DENND1B: variants seen among roughly 807,000 people sequenced by gnomAD.
The protein encoded by DENND1B is DENN domain-containing protein 1B.
A neutral mutation model predicts 90.1 loss-of-function variants in DENND1B; 59 were observed. The ratio of observed to expected loss-of-function variants is 0.65; its 90% CI spans 0.53 to 0.81. The LOEUF (loss-of-function observed/expected upper bound fraction) is 0.81. Among genes scored for constraint, DENND1B ranks in the 40% least tolerant of loss-of-function variants. The pLI, the probability that DENND1B is intolerant of heterozygous loss-of-function variation, is 0.00. For missense variants in DENND1B, 862 were observed against 912.6 expected (o/e 0.94, Z 0.71); for synonymous variants, 337 against 324.6 (o/e 1.04, Z -0.41).
At chr1:197,530,589 A>G (rs1319493899) in intron 20 of DENND1B, among the ~76,000 whole-genome samples, 1 of 152,190 alleles carries the variant, frequency 6.6e-6, no homozygotes. Context: ...AAGATGGATA[A>G]TTTTAGGAGT....
At chr1:197,753,715 C>A (rs886413027) in intron 2 of DENND1B, among the ~76,000 whole-genome samples, 4 of 151,952 alleles carry the variant, frequency 2.6e-5, no homozygotes, top group African/African-American at 7.3e-5. Flanking sequence ...AAAATAAAGT[C>A]GATGGCCACG....
intron 15 of DENND1B, among the ~76,000 whole-genome samples, chr1:197,581,385 C>G (rs1209118464): frequency 1.3e-5 from 2 of 152,134 alleles, no homozygotes; most frequent in African/African-American, 4.8e-5. Context: ...TTACATTTAA[C>G]GTCCTTGAAC....
At chr1:197,748,551 T>C (rs915442242) in intron 2 of DENND1B, among the ~76,000 whole-genome samples, 2 of 152,138 alleles carry the variant, frequency 1.3e-5, no homozygotes, top group Non-Finnish European at 2.9e-5. Flanking sequence ...TCCTTAGATG[T>C]TGAAGACAAA....
intron 13 of DENND1B, among the ~76,000 whole-genome samples, chr1:197,601,961 A>G (rs1245872493): frequency 6.6e-6 from 1 of 151,704 alleles, no homozygotes; most frequent in Non-Finnish European, 1.5e-5. Flanking sequence ...GTAAATAATT[A>G]TATCTCTGAT....
At chr1:197,511,292 G>T (rs906298216) in intron 22 of DENND1B, among the ~76,000 whole-genome samples, 1 of 151,700 alleles carries the variant, frequency 6.6e-6, no homozygotes, top group Non-Finnish European at 1.5e-5. Context: ...TAAGCATTCA[G>T]TTAAATTTGC....
At chr1:197,775,118 C>A in intron 1 of DENND1B, 21 bp downstream of exon 1, 1 of 1,272,620 alleles carries the variant, frequency 7.9e-7, no homozygotes, top group Non-Finnish European at 1.0e-6. Flanking sequence ...GCCCCCGACG[C>A]GCCCGGGCCC....
At chr1:197,574,310 G>A (rs1004528046) in intron 15 of DENND1B, among the ~76,000 whole-genome samples, 1 of 152,246 alleles carries the variant, frequency 6.6e-6, no homozygotes, top group Non-Finnish European at 1.5e-5. Flanking sequence ...GACAATCGGA[G>A]AGCCAAATCA....
Position 197,726,777 on chromosome 1 carries a change from A to G in DENND1B, c.83-11703T>C, listed in dbSNP as rs117315928. 6.6e-4 allele frequency among the ~76,000 whole-genome samples: 101 copies of G among 152,342 alleles called. No homozygotes were observed. The East Asian group carries it at 0.02, about 29-fold the overall frequency. On this transcript the variant is annotated intron_variant, in intron 2 of 22. Coordinates refer to ENST00000620048, the MANE Select transcript of DENND1B (RefSeq NM_001195215.2). ...CAAGAGGTTATCAAGCTGGAAAAAA[A>G]CTGATTCTAAATATCAATGTGATGT...
intron 3 of DENND1B, among the ~76,000 whole-genome samples, chr1:197,689,232 G>T (rs563598393): frequency 6.6e-6 from 1 of 152,184 alleles, no homozygotes; most frequent in South Asian, 2.1e-4. Flanking sequence ...ACAAAGTCAT[G>T]TCTTACATGG....
At chr1:197,561,153 A>G (rs1571879447) in intron 15 of DENND1B, among the ~76,000 whole-genome samples, 1 of 151,876 alleles carries the variant, frequency 6.6e-6, no homozygotes, top group Admixed American at 6.6e-5. Flanking sequence ...GTGCTATTCC[A>G]TTCTTCACAG....
intron 10 of DENND1B, among the ~76,000 whole-genome samples, chr1:197,639,230 A>AT (rs1210166823): frequency 1.3e-5 from 2 of 151,836 alleles, no homozygotes; most frequent in African/African-American, 4.8e-5. Flanking sequence ...TGCCTGGCTA[A>AT]TTTTTGTATT....
chr1:197,720,981 T>A (rs1661116941), intron 2 of DENND1B, among the ~76,000 whole-genome samples: 9 of 152,060 alleles, frequency 5.9e-5, no homozygotes. Flanking sequence ...AATTCAGTAG[T>A]TCTCAAACTT....
intron 7 of DENND1B, among the ~76,000 whole-genome samples, chr1:197,651,857 G>C (rs1231174184): frequency 6.6e-6 from 1 of 151,530 alleles, no homozygotes; most frequent in East Asian, 1.9e-4. Context: ...GGGTTTCACC[G>C]TGTTAGCCAA....
chr1:197,540,937 G>A, intron 19 of DENND1B, 22 bp downstream of exon 19: 1 of 1,597,164 alleles, frequency 6.3e-7, no homozygotes, highest in Non-Finnish European at 8.5e-7. Flanking sequence ...AGGTAAAATG[G>A]AAAAAAATGA....
intron 3 of DENND1B, among the ~76,000 whole-genome samples, chr1:197,686,819 T>C (rs1657290483): frequency 6.6e-6 from 1 of 152,070 alleles, no homozygotes; most frequent in Non-Finnish European, 1.5e-5. Flanking sequence ...GGACTCTGTA[T>C]TCAGCTCTTA....
chr1:197,673,099 A>G (rs554644034), intron 4 of DENND1B, among the ~76,000 whole-genome samples: 1 of 152,202 alleles, frequency 6.6e-6, no homozygotes, highest in South Asian at 2.1e-4. Context: ...CAAATGCTGA[A>G]CATTTAACAA....
At chr1:197,706,747 A>G (rs957834409) in intron 3 of DENND1B, among the ~76,000 whole-genome samples, 5 of 152,186 alleles carry the variant, frequency 3.3e-5, no homozygotes, top group Admixed American at 2.0e-4. Context: ...CCCAGTTACA[A>G]TAGTTATCAT....
chr1:197,626,757 A>T (rs1187554715), intron 10 of DENND1B, among the ~76,000 whole-genome samples: 3 of 152,112 alleles, frequency 2.0e-5, no homozygotes, highest in Non-Finnish European at 2.9e-5. Context: ...TTTTGAAAGG[A>T]TCAACAAAAT....
At position 197,652,277 on chromosome 1, in the gene DENND1B, G is replaced by A. The variant is rs1224302942; in HGVS notation, c.405C>T (p.Asn135=). 7.4e-6 allele frequency: 12 copies of A among 1,611,252 alleles called. No homozygotes were observed. Among genetic ancestry groups the A allele is most frequent in the Non-Finnish European group, 1.0e-5 (12 of 1,179,078 alleles). ...DLNETLRSLY[N]HPVPKANTPV... is the part of the protein sequence containing the mutation. ...GAGTATTTGCCTTTGGTACTGGGTG[G>A]TTATACAGTGATCTGAGAGTTTCAT... The change falls in exon 7 of 23, where the codon AAC becomes AAT. Residue 135 remains asparagine, a synonymous_variant. Transcript: ENST00000620048.
Sources: gnomAD v4.1 joint callset for allele counts (sites outside exome capture counted in the v4.1 genomes callset) on GRCh38, gnomAD v4.1.1 for gene constraint, MANE v1.5 for transcripts, NCBI Gene and HGNC (gene_info 2026-07-23, HGNC 2026-07-21) for gene names.